Variants in KIF26A observed in about 807,000 individuals in gnomAD.
The protein encoded by KIF26A is kinesin family member 26A, also known as kinesin-like protein KIF26A.
A neutral mutation model predicts 126.0 loss-of-function variants in KIF26A; 74 were observed. The observed-to-expected ratio is 0.59, with a 90% CI of 0.49 to 0.71. The LOEUF is 0.71. Ranked by LOEUF, KIF26A falls within the 30% of genes least tolerant of loss-of-function variation. The pLI, the probability that KIF26A is intolerant of heterozygous loss-of-function variation, is 0.00. For missense variants in KIF26A, 2,984 were observed against 2,763.3 expected (o/e 1.08, Z -1.79); for synonymous variants, 1,445 against 1,232.7 (o/e 1.17, Z -3.61).
chr14:104,177,954 T>C (rs2038053790), intron 12 of KIF26A, 56 bp downstream of exon 12: 1 of 1,419,430 alleles, frequency 7.0e-7, no homozygotes, highest in East Asian at 2.5e-5. Flanking sequence ...TGTGTAGATG[T>C]GCACAGCCCT....
At position 104,152,884 on chromosome 14, in the gene KIF26A, G is replaced by A. The variant is rs2037744058; in HGVS notation, c.735+423G>A. 6.6e-6 allele frequency among the ~76,000 whole-genome samples: 1 copy of A among 152,160 alleles called. No homozygotes were observed. The highest frequency in any genetic ancestry group is 1.5e-5 in the Non-Finnish European group (1 of 68,020). ...GGTGTGAGGCGTCCATGGACGTCGG[G>A]CGGGGGACCGGCAGTTGCAATTGCT... On this transcript the variant is annotated intron_variant, in intron 3 of 14. Transcript: ENST00000423312. This position sits in a 1 kb window ranked among gnomAD's most constrained non-coding sequence, Gnocchi z 5.9.
Position 104,157,902 on chromosome 14 carries a change from G to T in KIF26A, c.883G>T (p.Gly295Cys). Residue 295 changes from glycine to cysteine, a missense_variant, in exon 4 of 15, where the codon GGC (glycine) becomes TGC (cysteine). Transcript: ENST00000423312. ...CACCCCCACCCCGGGCTCGGTGGGGGGCTCCACAGGCCCCTCAGCTGCAGC... is the reference window on the plus strand; with the variant it reads ...CACCCCCACCCCGGGCTCGGTGGGGTGCTCCACAGGCCCCTCAGCTGCAGC... Reference protein sequence around the residue: ...LVTPTPGSVGGSTGPSAAASF... With the variant: ...LVTPTPGSVGCSTGPSAAASF... 2 of 1,558,220 alleles carry T rather than the reference G, an allele frequency of 1.3e-6. No homozygotes were observed. Among genetic ancestry groups the T allele is most frequent in the Non-Finnish European group, 1.7e-6 (2 of 1,149,946 alleles).
In KIF26A at chr14:104,152,223, C is replaced by G; in HGVS notation, c.497C>G (p.Thr166Ser). ...GGCCCCAGCCTCGCACCCCCCAGCACCACGACCAGCTCGAGGGACACGCCA... is the reference window on the plus strand; with the variant it reads ...GGCCCCAGCCTCGCACCCCCCAGCAGCACGACCAGCTCGAGGGACACGCCA... ...HGGPSLAPPS[T>S]TTSSRDTPGP... The change falls in exon 3 of 15, where the codon ACC becomes AGC. Residue 166 changes from threonine (T) to serine (S), a missense_variant. Thr to Ser is a moderately conservative substitution (Grantham distance 58). Transcript: ENST00000423312. This position sits in a 1 kb window ranked among gnomAD's most constrained non-coding sequence, Gnocchi z 5.9. 6.2e-7 allele frequency: 1 copy of G among 1,600,974 alleles called. No homozygotes were observed. Among genetic ancestry groups the G allele is most frequent in the Non-Finnish European group, 8.5e-7 (1 of 1,175,566 alleles).
In KIF26A at chr14:104,139,093, C is replaced by A. The variant is rs2037611674; in HGVS notation, c.93C>A (p.Ser31=). 4 of 1,456,850 alleles carry A rather than the reference C, an allele frequency of 2.7e-6. No homozygotes were observed. The highest frequency in any genetic ancestry group is 3.6e-6 in the Non-Finnish European group (4 of 1,107,522). 90.2% of individuals were successfully genotyped at this position (1,456,850 alleles called of 1,614,324 possible). ...AGCCGCCGCCGCTGCTGGAGGTGTC[C>A]CCCCGAAAGAGGCTACCCGCCGGGC... ...AREPPPLLEV[S]PRKRLPAGPD... Residue 31 remains serine, a synonymous_variant, in exon 2 of 15, where the codon TCC becomes TCA. Transcript: ENST00000423312.
chr14:104,145,928 T>G (rs1291224416), intron 2 of KIF26A, among the ~76,000 whole-genome samples: 1 of 152,186 alleles, frequency 6.6e-6, no homozygotes, highest in Non-Finnish European at 1.5e-5. Context: ...GGCTCCAAGC[T>G]TTATCTTCCA....
chr14:104,178,202 G>C (rs1566867232), intron 12 of KIF26A, among the ~76,000 whole-genome samples: 1 of 152,210 alleles, frequency 6.6e-6, no homozygotes, highest in Non-Finnish European at 1.5e-5. Context: ...CAGGTCGCCA[G>C]GCTGGGGCAC....
At chr14:104,164,931 A>G (rs554596182) in intron 4 of KIF26A, among the ~76,000 whole-genome samples, 227 of 140,960 alleles carry the variant, frequency 1.6e-3, no homozygotes, top group African/African-American at 5.9e-3. Context: ...GTGTGTCTCT[A>G]TGTCTCTCCG....
At chr14:104,147,667 G>A (rs1470679619) in intron 2 of KIF26A, among the ~76,000 whole-genome samples, 1 of 152,250 alleles carries the variant, frequency 6.6e-6, no homozygotes, top group Non-Finnish European at 1.5e-5. Flanking sequence ...AGCAGGACCT[G>A]CGAGGGCTGC....
Position 104,176,052 on chromosome 14 carries a change from T to TGAG in KIF26A, c.3264_3265insGAG (p.Ser1088_Gln1089insGlu). 1 of 1,596,102 alleles carries TGAG rather than the reference T, an allele frequency of 6.3e-7. No homozygotes were observed. Among genetic ancestry groups the TGAG allele is most frequent in the Non-Finnish European group, 8.5e-7 (1 of 1,175,030 alleles). On this transcript the variant is annotated inframe_insertion, in exon 12 of 15. Coordinates refer to ENST00000423312, the MANE Select transcript of KIF26A (RefSeq NM_015656.2). ...ATGATGAGTTTGACGCCTACACCTCTCAGGCCCCTGAGGGGGGGCCCCTGG... is the reference window on the plus strand; with the variant it reads ...ATGATGAGTTTGACGCCTACACCTCTGAGCAGGCCCCTGAGGGGGGGCCCCTGG...
chr14:104,159,561 G>A (rs535248482), intron 4 of KIF26A, among the ~76,000 whole-genome samples: 2 of 152,228 alleles, frequency 1.3e-5, no homozygotes, highest in African/African-American at 4.8e-5. Flanking sequence ...TTTGGGAGCC[G>A]AGGCCGGTGC....
Position 104,175,527 on chromosome 14 carries a change from G to A in KIF26A, c.2739G>A (p.Glu913=). The A allele has an allele frequency of 6.2e-7, 1 of 1,600,540 alleles. No individual in the cohort carries two copies. Among genetic ancestry groups the A allele is most frequent in the Non-Finnish European group, 8.5e-7 (1 of 1,178,872 alleles). Residue 913 remains glutamate, a synonymous_variant, in exon 12 of 15, where the codon GAG becomes GAA. Coordinates refer to ENST00000423312, the MANE Select transcript of KIF26A (RefSeq NM_015656.2). ...SGPDTHQGTP[E]PCKAIVWGDQ... ...CAGACACCCACCAGGGTACCCCTGA[G>A]CCCTGCAAGGCCATTGTCTGGGGTG...
In KIF26A at chr14:104,148,387, G is replaced by C. The variant is rs531952226; in HGVS notation, c.289-3628G>C. Among the ~76,000 whole-genome samples the C allele has an allele frequency of 1.3e-5, 2 of 152,162 alleles. No individual in the cohort carries two copies. Among genetic ancestry groups the C allele is most frequent in the Non-Finnish European group, 2.9e-5 (2 of 68,036 alleles). ...AAGAGAAAATTAAAAGTCATATTTC[G>C]CAGTGGAGTAATTACTGTCTTCCTC... is the stretch of plus-strand genomic sequence containing the variant. On this transcript the variant is annotated intron_variant, in intron 2 of 14. Coordinates refer to ENST00000423312, the MANE Select transcript of KIF26A (RefSeq NM_015656.2). This position sits in a 1 kb window ranked among gnomAD's most constrained non-coding sequence, Gnocchi z 4.3.
intron 2 of KIF26A, among the ~76,000 whole-genome samples, chr14:104,144,461 G>A (rs1432673328): frequency 6.6e-6 from 1 of 152,202 alleles, no homozygotes. Context: ...ACCTTCAGCT[G>A]CTCAGAGTCC....
Position 104,172,835 on chromosome 14 carries a change from G to A in KIF26A, c.1421-142G>A, listed in dbSNP as rs573418187. ...GTGGAGAGGAAGCTGAACCCCTGCC[G>A]AACTGAAAGGCAGAGGGCTTAGGAT... On this transcript the variant is annotated intron_variant, in intron 7 of 14. Transcript: ENST00000423312. 14 of 1,243,564 alleles carry A rather than the reference G, an allele frequency of 1.1e-5. No individual in the cohort carries two copies. In the African/African-American group the frequency reaches 1.2e-4, roughly 11 times the overall value. The allele number at this position is 1,243,564 out of a possible 1,614,324, so 77.0% of individuals were successfully genotyped here. A position where few individuals can be genotyped will look rare whatever the true frequency, so the allele number is the denominator to read the frequency against.
rs1328254785 is a variant in KIF26A, at chr14:104,179,800, C to T, written c.*10C>T. ...GGAGGTGGACGTCTGAGGCTGGGCG[C>T]CGGACAAGAGGAGGGGGCGTGCAGC... On this transcript the variant is annotated 3_prime_UTR_variant, in exon 15 of 15. Transcript: ENST00000423312. 2.6e-6 allele frequency: 4 copies of T among 1,516,782 alleles called. No homozygotes were observed. The highest frequency in any genetic ancestry group is 8.8e-7 in the Non-Finnish European group (1 of 1,132,200). The allele number at this position is 1,516,782 out of a possible 1,614,324, so 94.0% of individuals were successfully genotyped here.
At chr14:104,179,533 G>T in intron 14 of KIF26A, 76 bp from the exon 15 acceptor site, 1 of 1,440,572 alleles carries the variant, frequency 6.9e-7, no homozygotes, top group Non-Finnish European at 9.2e-7. Flanking sequence ...CTTTCCTGGG[G>T]CCTCTGGGGG....
chr14:104,164,294 T>G (rs941596643), intron 4 of KIF26A, among the ~76,000 whole-genome samples: 9 of 132,302 alleles, frequency 6.8e-5, no homozygotes, highest in East Asian at 2.2e-4. Flanking sequence ...GAGCCCAGGG[T>G]GGGTCGGGGG....
intron 2 of KIF26A, among the ~76,000 whole-genome samples, chr14:104,145,791 C>T (rs142436506): frequency 4.5e-4 from 69 of 152,338 alleles, no homozygotes; most frequent in Non-Finnish European, 6.6e-4. Flanking sequence ...GTCCTCCAGC[C>T]GCTTGACCTA....
At chr14:104,157,969 C>A in intron 4 of KIF26A, 27 bp downstream of exon 4, 1 of 1,471,386 alleles carries the variant, frequency 6.8e-7, no homozygotes, top group South Asian at 1.4e-5. Flanking sequence ...CCTGGGCAGC[C>A]TTGTGGGCAG....
Sources: allele counts gnomAD v4.1 joint callset (sites outside exome capture counted in the v4.1 genomes callset), GRCh38; gene constraint gnomAD v4.1.1; non-coding constraint Gnocchi (gnomAD v3.1); transcripts MANE v1.5; gene names NCBI Gene and HGNC (gene_info 2026-07-23, HGNC 2026-07-21).